The following RGS14 variants were observed in gnomAD, a reference collection of about 807,000 sequenced individuals.
RGS14 encodes regulator of G protein signaling 14.
Under a neutral mutation model 63.8 loss-of-function variants are expected in RGS14, and 33 were observed. The ratio of observed to expected loss-of-function variants is 0.52; its 90% CI spans 0.39 to 0.69. RGS14 has a LOEUF of 0.69. RGS14 is among the 30% of genes least tolerant of loss of function. The pLI, the probability that RGS14 is intolerant of heterozygous loss-of-function variation, is 0.00. For missense variants in RGS14, 739 were observed against 742.9 expected, an observed-to-expected ratio of 0.99 and a Z score of 0.06; for synonymous variants, 296 against 320.9, an observed-to-expected ratio of 0.92 and a Z score of 0.83.
Position 177,368,204 on chromosome 5 carries a change from T to G in RGS14, c.787T>G (p.Ser263Ala). Reference sequence around the variant, plus strand: ...CGCCTTGCGCCGAGAGTCTCAGGGCTCCCTCAACTCCTCCGCCAGCCTGGA... The same window carrying G: ...CGCCTTGCGCCGAGAGTCTCAGGGCGCCCTCAACTCCTCCGCCAGCCTGGA... ...NAALRRESQG[S>A]LNSSASLDLG... The change falls in exon 8 of 15, where the codon TCC becomes GCC. Residue 263 changes from serine (S) to alanine (A), a missense_variant. Coordinates refer to ENST00000408923, the MANE Select transcript of RGS14 (RefSeq NM_006480.5). 2 of 1,613,960 alleles carry G rather than the reference T, an allele frequency of 1.2e-6. No individual in the cohort carries two copies. The highest frequency in any genetic ancestry group is 2.2e-5 in the South Asian group (2 of 91,086).
At chr5:177,360,474 G>A (rs1761937132) in intron 1 of RGS14, among the ~76,000 whole-genome samples, 1 of 150,436 alleles carries the variant, frequency 6.6e-6, no homozygotes, top group African/African-American at 2.4e-5. Context: ...TGAGGTGGGA[G>A]GATCGTTTGA....
rs1211494536 is a variant in RGS14, at chr5:177,368,663, GTGCATGCCCTTGC to G, written c.850-53_850-41del. The G allele has an allele frequency of 2.7e-5, 42 of 1,573,792 alleles. No individual in the cohort carries two copies. The East Asian group carries it at 3.4e-4, about 13-fold the overall frequency. ...AGCTTACCTATCTCTGTGTACCTGT[GTGCATGCCCTTGC>G]ATGTGTACACATAATCTCCCCCACT... is the stretch of plus-strand genomic sequence containing the variant. On this transcript the variant is annotated intron_variant, in intron 8 of 14. Coordinates refer to ENST00000408923, the MANE Select transcript of RGS14 (RefSeq NM_006480.5).
chr5:177,366,732 G>A lies in RGS14; in HGVS notation c.271G>A (p.Ala91Thr). The change falls in exon 4 of 15, where the codon GCG (alanine) becomes ACG (threonine). Residue 91 changes from alanine (A) to threonine (T), a missense_variant. Transcript: ENST00000408923. ...FTEFLKKEFS[A>T]ENVTFWKACE... is the part of the protein sequence containing the mutation. Reference sequence around the variant, plus strand: ...GGAGTTCCTGAAGAAGGAGTTCAGCGCGGAAAACGTGACTTTCTGGAAGGC... The same window carrying A: ...GGAGTTCCTGAAGAAGGAGTTCAGCACGGAAAACGTGACTTTCTGGAAGGC... 6.2e-7 allele frequency: 1 copy of A among 1,614,110 alleles called. No homozygotes were observed. The highest frequency in any genetic ancestry group is 8.5e-7 in the Non-Finnish European group (1 of 1,180,016).
chr5:177,360,478 C>T (rs569628659), intron 1 of RGS14, among the ~76,000 whole-genome samples: 5 of 143,822 alleles, frequency 3.5e-5, no homozygotes, highest in South Asian at 4.5e-4. Context: ...GTGGGAGGAT[C>T]GTTTGACCCC....
At chr5:177,365,031 G>A (rs1762057470) in intron 1 of RGS14, among the ~76,000 whole-genome samples, 1 of 152,102 alleles carries the variant, frequency 6.6e-6, no homozygotes, top group Non-Finnish European at 1.5e-5. Context: ...AGCATCTTGT[G>A]CCCTCCCACG....
At position 177,371,827 on chromosome 5, in the gene RGS14, T is replaced by C. The variant is rs573073933; in HGVS notation, c.1499-46T>C. On this transcript the variant is annotated intron_variant, in intron 14 of 14. Coordinates refer to ENST00000408923, the MANE Select transcript of RGS14 (RefSeq NM_006480.5). This position sits in a 1 kb window ranked among gnomAD's most constrained non-coding sequence, Gnocchi z 6.1. ...AGTGGGACTATCGTGGGCTGGCATA[T>C]AGGCAGGTCTGCTGGGGGGACCCTC... The C allele has an allele frequency of 1.2e-5, 19 of 1,574,492 alleles. No individual in the cohort carries two copies. Among genetic ancestry groups the C allele is most frequent in the Non-Finnish European group, 1.6e-5 (18 of 1,154,312 alleles).
intron 1 of RGS14, among the ~76,000 whole-genome samples, chr5:177,365,602 T>C (rs1400048217): frequency 6.6e-6 from 1 of 152,218 alleles, no homozygotes; most frequent in African/African-American, 2.4e-5. Flanking sequence ...ATTTACAGAT[T>C]ACAGATGGAG....
intron 9 of RGS14, 137 bp downstream of exon 9, chr5:177,369,057 T>G: frequency 1.3e-6 from 1 of 783,228 alleles, no homozygotes; most frequent in South Asian, 1.7e-5. Flanking sequence ...AGCACCAACT[T>G]TCACTCACTC....
chr5:177,367,214 G>C, intron 5 of RGS14, 180 bp downstream of exon 5: 1 of 1,087,710 alleles, frequency 9.2e-7, no homozygotes. Context: ...CACGGGGAAG[G>C]ACAGTTAGAG....
Position 177,358,112 on chromosome 5 carries a change from C to G in RGS14, c.45+43C>G. On this transcript the variant is annotated intron_variant, in intron 1 of 14. Transcript: ENST00000408923. This position sits in a 1 kb window ranked among gnomAD's most constrained non-coding sequence, Gnocchi z 4.8. The stretch of plus-strand genomic sequence containing the variant: ...GCCAGGGCCACGAGGAGGGGGTGGG[C>G]ACACCCAGGGTGGAGCCCAGGAGGC... The G allele has an allele frequency of 3.0e-6, 4 of 1,313,402 alleles. No homozygotes were observed. The highest frequency in any genetic ancestry group is 3.9e-6 in the Non-Finnish European group (4 of 1,020,878). 81.4% of individuals were successfully genotyped at this position (1,313,402 alleles called of 1,614,324 possible).
chr5:177,370,682 A>C lies in RGS14; in HGVS notation c.1127+18A>C, dbSNP rs1762218375. 2 of 1,612,926 alleles carry C rather than the reference A, an allele frequency of 1.2e-6. No individual in the cohort carries two copies. The highest frequency in any genetic ancestry group is 1.7e-6 in the Non-Finnish European group (2 of 1,179,202). On this transcript the variant is annotated intron_variant, in intron 10 of 14. Transcript: ENST00000408923. ...ACCTTCGAGTGAGTGTCCTGCCCCCAAGTCTGGGTCCCAGGTCCTGACGCT... is the reference window on the plus strand; with the variant it reads ...ACCTTCGAGTGAGTGTCCTGCCCCCCAGTCTGGGTCCCAGGTCCTGACGCT...
rs1762243929 is a variant in RGS14, at chr5:177,371,072, G to GGCGGGGCGGGGCGGGGCCGGGCCGGGC, written c.1254+41_1254+42insGCGGGGCGGGGCGGGGCCGGGCCGGGC. Reference sequence around the variant, plus strand: ...GCGGGGCGGGGCGGGGCGGGGCCGGGCCGGGGCCGGGGCCGGGGCCGGGGC... The same window carrying GGCGGGGCGGGGCGGGGCCGGGCCGGGC: ...GCGGGGCGGGGCGGGGCGGGGCCGGGGCGGGGCGGGGCGGGGCCGGGCCGGGCCCGGGGCCGGGGCCGGGGCCGGGGC... On this transcript the variant is annotated intron_variant, in intron 11 of 14. Transcript: ENST00000408923. The surrounding 1 kb of genome is among the most constrained non-coding windows in gnomAD (Gnocchi z 6.1). 2.5e-5 allele frequency: 4 copies of GGCGGGGCGGGGCGGGGCCGGGCCGGGC among 162,356 alleles called. No homozygotes were observed. The highest frequency in any genetic ancestry group is 3.8e-4 in the Admixed American group (1 of 2,654). The allele number at this position is 162,356 out of a possible 1,614,324, so 10.1% of individuals were successfully genotyped here. A position where few individuals can be genotyped will look rare whatever the true frequency, so the allele number is the denominator to read the frequency against.
At chr5:177,367,384 C>T (rs1182110982) in intron 5 of RGS14, 30 bp from the exon 6 acceptor site, 3 of 1,569,432 alleles carry the variant, frequency 1.9e-6, no homozygotes, top group Admixed American at 1.8e-5. Context: ...ACCCCAGCCC[C>T]GGCTCACCTG....
At chr5:177,367,263 G>C (rs1762122075) in intron 5 of RGS14, 151 bp from the exon 6 acceptor site, 3 of 1,198,632 alleles carry the variant, frequency 2.5e-6, no homozygotes, top group Non-Finnish European at 3.4e-6. Context: ...TTGGACCCCG[G>C]GGGTGGGTAT....
chr5:177,366,949 C>T lies in RGS14; in HGVS notation c.398C>T (p.Pro133Leu), dbSNP rs2127331876. Residue 133 changes from proline (P) to leucine (L), a missense_variant, in exon 5 of 15, where the codon CCA becomes CTA. Physicochemically the swap from Pro to Leu is moderately conservative, Grantham distance 98. Transcript: ENST00000408923. ...TTCCTGTCCAGCCAGGCGCTGAGCC[C>T]AGTGAACATCGACCGTCAGGCCTGG... is the stretch of plus-strand genomic sequence containing the variant. ...QEFLSSQALS[P>L]VNIDRQAWLG... The T allele has an allele frequency of 6.2e-7, 1 of 1,614,004 alleles. No homozygotes were observed. Among genetic ancestry groups the T allele is most frequent in the Non-Finnish European group, 8.5e-7 (1 of 1,180,008 alleles).
intron 9 of RGS14, 72 bp from the exon 10 acceptor site, chr5:177,370,515 AAGTT>A: frequency 7.5e-7 from 1 of 1,326,748 alleles, no homozygotes. Context: ...GGAGGGCGTG[AAGTT>A]GTTCTCAGAC....
intron 9 of RGS14, 137 bp from the exon 10 acceptor site, chr5:177,370,454 C>T: frequency 1.3e-6 from 1 of 753,724 alleles, no homozygotes; most frequent in Admixed American, 2.0e-5. Flanking sequence ...TGCTCCCCTA[C>T]AGCTCTTCCA....
chr5:177,367,468 T>C lies in RGS14; in HGVS notation c.538T>C (p.Tyr180His). ...TGCGCGCTTCGTCAAGTCCCCGCTG[T>C]ACCGCGAGTGCCTGCTAGCCGAAGC... ...SYARFVKSPL[Y>H]RECLLAEAEG... is the part of the protein sequence containing the mutation. Residue 180 changes from tyrosine (Y) to histidine (H), a missense_variant, in exon 6 of 15, where the codon TAC becomes CAC. Tyr to His is a moderately conservative substitution (Grantham distance 83). Coordinates refer to ENST00000408923, the MANE Select transcript of RGS14 (RefSeq NM_006480.5). 1 of 1,612,734 alleles carries C rather than the reference T, an allele frequency of 6.2e-7. No homozygotes were observed.
Position 177,366,786 on chromosome 5 carries a change from AGC to A in RGS14, c.327_328del (p.Ser109ArgfsTer96). On this transcript the variant is annotated frameshift_variant, in exon 4 of 15. Coordinates refer to ENST00000408923, the MANE Select transcript of RGS14 (RefSeq NM_006480.5). LOFTEE classifies it high-confidence loss of function. ...CGAGCGCTTCCAGCAGATCCCGGCC[AGC>A]GATACCCAGCAGGTGGGGGAAGGGG... ...ACERFQQIPA[S>X]DTQQLAQEAR... is the part of the protein sequence containing the mutation. 6.2e-7 allele frequency: 1 copy of A among 1,614,086 alleles called. No homozygotes were observed. The highest frequency in any genetic ancestry group is 2.2e-5 in the East Asian group (1 of 44,858).
Sources: gnomAD v4.1 joint callset for allele counts (sites outside exome capture counted in the v4.1 genomes callset) on GRCh38, gnomAD v4.1.1 for gene constraint, Gnocchi (gnomAD v3.1) non-coding constraint, MANE v1.5 for transcripts, NCBI Gene and HGNC (gene_info 2026-07-23, HGNC 2026-07-21) for gene names.